TMLHE: variants seen among roughly 807,000 people sequenced by gnomAD.
TMLHE encodes the protein trimethyllysine dioxygenase, mitochondrial.
In TMLHE, 18 loss-of-function variants were observed where a neutral mutation model predicts 25.7. The observed-to-expected ratio is 0.70, with a 90% confidence interval of 0.48 to 1.04. The LOEUF (loss-of-function observed/expected upper bound fraction) is 1.04, where lower values mean the gene tolerates loss of function less well. Ranked by LOEUF, TMLHE falls within the 50% of genes least tolerant of loss-of-function variation. The probability of loss-of-function intolerance (pLI) is 0.00; values close to 1 mark genes in which losing one functional copy is unlikely to be tolerated. For synonymous variants in TMLHE, 105 were observed against 97.0 expected (o/e 1.08, Z -0.49); for missense variants, 236 against 259.0 (o/e 0.91, Z 0.61).
At chrX:155,508,740 A>G (rs142036772) in intron 5 of TMLHE, among the ~76,000 whole-genome samples, 5,028 of 110,606 alleles carry the variant, frequency 0.045, 287 homozygotes, top group African/African-American at 0.16. Context: ...GGATATGACA[A>G]TTAGTTGCTG....
At chrX:155,558,743 T>C (rs1242744656) in intron 1 of TMLHE, among the ~76,000 whole-genome samples, 1 of 111,989 alleles carries the variant, frequency 8.9e-6, no homozygotes, top group African/African-American at 3.2e-5. Context: ...ACTCTTTGAA[T>C]ATGGTGATTT....
chrX:155,531,712 C>T (rs1245856884), intron 2 of TMLHE, among the ~76,000 whole-genome samples: 1 of 111,792 alleles, frequency 8.9e-6, no homozygotes, highest in East Asian at 2.8e-4. Context: ...TAAGCATAAC[C>T]TCTGATCAAT....
rs188010803 is a variant in TMLHE, at chrX:155,561,412, G to C, written c.-1-16135C>G. 2.8e-3 allele frequency among the ~76,000 whole-genome samples: 170 copies of C among 60,848 alleles called. 51 individuals carry two copies. The highest frequency in any genetic ancestry group is 6.5e-3 in the Non-Finnish European group (142 of 21,758). 52.8% of individuals were successfully genotyped at this position (60,848 alleles called of 115,157 possible). A position where few individuals can be genotyped will look rare whatever the true frequency, so the allele number is the denominator to read the frequency against. Reference sequence around the variant, plus strand: ...GCCATGATTCAATCACTTCCCACCAGGCCCCTCCTCTAACATTGGGGATTA... The same window carrying C: ...GCCATGATTCAATCACTTCCCACCACGCCCCTCCTCTAACATTGGGGATTA... On this transcript the variant is annotated intron_variant, in intron 1 of 7. Transcript: ENST00000334398.
intron 1 of TMLHE, among the ~76,000 whole-genome samples, chrX:155,557,556 C>T (rs1431645686): frequency 8.9e-6 from 1 of 112,017 alleles, no homozygotes; most frequent in Non-Finnish European, 1.9e-5. Flanking sequence ...GTACCATTCT[C>T]TCTCCTTTTT....
At chrX:155,513,893 C>T (rs782297429) in intron 4 of TMLHE, 93 bp downstream of exon 4, 107 of 939,341 alleles carry the variant, frequency 1.1e-4, no homozygotes, top group Non-Finnish European at 1.5e-4. Flanking sequence ...GGATTGAAAA[C>T]GAGGGTGACC....
At chrX:155,602,530 A>G (rs2067761952) in intron 1 of TMLHE, among the ~76,000 whole-genome samples, 2 of 111,675 alleles carry the variant, frequency 1.8e-5, no homozygotes, top group African/African-American at 6.5e-5. Flanking sequence ...CCTATTCAAC[A>G]TTATACTGGA....
intron 1 of TMLHE, among the ~76,000 whole-genome samples, chrX:155,555,543 T>C (rs1298706774): frequency 9.0e-6 from 1 of 110,629 alleles, no homozygotes; most frequent in African/African-American, 3.3e-5. Context: ...GCACCTGTTG[T>C]TTCCTGACTT....
rs782803874 is a variant in TMLHE at position 155,507,051 on chromosome X, A to G, written c.842T>C (p.Val281Ala). The change falls in exon 6 of 8, where the codon GTA becomes GCA. Residue 281 changes from valine (V) to alanine (A), a missense_variant. Transcript: ENST00000334398. ...AAATTCCTCAGGTGCCTTTTGAAGT[A>G]CCTGTTCTGCTGCATAGAATCCATC... ...LVDGFYAAEQ[V>A]LQKAPEEFEL... 2.5e-6 allele frequency: 3 copies of G among 1,208,263 alleles called. No homozygotes were observed. Among genetic ancestry groups the G allele is most frequent in the Non-Finnish European group, 1.1e-6 (1 of 894,078 alleles).
At chrX:155,553,052 G>C (rs1050669441) in intron 1 of TMLHE, among the ~76,000 whole-genome samples, 2 of 110,575 alleles carry the variant, frequency 1.8e-5, no homozygotes, top group Non-Finnish European at 3.8e-5. Context: ...CTTAATGTCA[G>C]TGTGGCCAAA....
At chrX:155,588,915 T>C (rs1353084594) in intron 1 of TMLHE, among the ~76,000 whole-genome samples, 5 of 111,780 alleles carry the variant, frequency 4.5e-5, no homozygotes, top group Non-Finnish European at 9.4e-5. Context: ...GGAAACAGTA[T>C]GGAGGATGTT....
In TMLHE at chrX:155,575,616, G is replaced by A. The variant is rs1321847336; in HGVS notation, c.-1-30339C>T. Among the ~76,000 whole-genome samples the A allele has an allele frequency of 1.3e-4, 15 of 111,815 alleles. No homozygotes were observed. In the Admixed American group the frequency reaches 1.4e-3, roughly 11 times the overall value. ...TTCAAAGAAACAAAAGAAAAAATGAGCAAACCAAATCCAGCAGCACAATAA... is the reference window on the plus strand; with the variant it reads ...TTCAAAGAAACAAAAGAAAAAATGAACAAACCAAATCCAGCAGCACAATAA... On this transcript the variant is annotated intron_variant, in intron 1 of 7. Transcript: ENST00000334398.
chrX:155,592,874 A>G, intron 1 of TMLHE, among the ~76,000 whole-genome samples: 1 of 111,910 alleles, frequency 8.9e-6, no homozygotes, highest in South Asian at 3.7e-4. Context: ...AATCTGGCTT[A>G]AGTCTCTAGG....
In TMLHE at chrX:155,610,430, TA is replaced by T. The variant is rs1451003531; in HGVS notation, c.-2+2361del. On this transcript the variant is annotated intron_variant, in intron 1 of 7. Transcript: ENST00000334398. ...TTGTAGTGATGGTTGCACCACCCAA[TA>T]AATTTATAAAATCACTTTAAATATG... is the stretch of plus-strand genomic sequence containing the variant. Among the ~76,000 whole-genome samples, 6 of 112,052 alleles carry T rather than the reference TA, an allele frequency of 5.4e-5. No homozygotes were observed. The East Asian group carries it at 1.7e-3, about 31-fold the overall frequency.
intron 1 of TMLHE, among the ~76,000 whole-genome samples, chrX:155,559,780 C>G (rs782448246): frequency 5.3e-5 from 6 of 112,354 alleles, no homozygotes; most frequent in Admixed American, 3.8e-4. Context: ...CCTTCATCAC[C>G]TCATACCTGG....
chrX:155,570,343 G>C (rs1464473153), intron 1 of TMLHE, among the ~76,000 whole-genome samples: 2 of 53,760 alleles, frequency 3.7e-5, no homozygotes, highest in African/African-American at 8.9e-5. Flanking sequence ...AGCAAGTCCT[G>C]AGTGACCTAC....
intron 1 of TMLHE, among the ~76,000 whole-genome samples, chrX:155,555,810 T>C (rs1479525175): frequency 7.3e-5 from 8 of 110,206 alleles, no homozygotes; most frequent in Non-Finnish European, 1.1e-4. Context: ...TTTTCTCCCA[T>C]TCTGTAGGTT....
chrX:155,582,337 C>T (rs1247934744), intron 1 of TMLHE, among the ~76,000 whole-genome samples: 1 of 112,053 alleles, frequency 8.9e-6, no homozygotes, highest in Non-Finnish European at 1.9e-5. Flanking sequence ...TCTAATTAAA[C>T]TAAAGAGCTT....
intron 3 of TMLHE, among the ~76,000 whole-genome samples, chrX:155,516,014 T>C (rs1295201649): frequency 2.3e-5 from 2 of 86,718 alleles, no homozygotes; most frequent in African/African-American, 7.9e-5. Context: ...ACTTTTCTTC[T>C]TTTTTTTTTT....
intron 1 of TMLHE, among the ~76,000 whole-genome samples, chrX:155,594,223 A>ATATCT (rs2124488366): frequency 8.9e-6 from 1 of 112,195 alleles, no homozygotes; most frequent in Admixed American, 9.5e-5. Context: ...AGGGAATATC[A>ATATCT]ATATGGCTAT....
Sources: allele counts gnomAD v4.1 joint callset (sites outside exome capture counted in the v4.1 genomes callset), GRCh38; gene constraint gnomAD v4.1.1; transcripts MANE v1.5; gene names NCBI Gene and HGNC (gene_info 2026-07-23, HGNC 2026-07-21).